Variants in TJP2 observed in about 807,000 individuals in gnomAD.
TJP2 encodes the protein Friedreich ataxia region gene X104 (tight junction protein ZO-2).
In TJP2, 91 loss-of-function variants were observed where a neutral mutation model predicts 133.1. The observed-to-expected ratio is 0.68, with a 90% confidence interval of 0.58 to 0.81. TJP2 has a LOEUF of 0.81. TJP2 is among the 40% of genes least tolerant of loss of function. The probability of loss-of-function intolerance (pLI) is 0.00; values close to 1 mark genes in which losing one functional copy is unlikely to be tolerated. For missense variants in TJP2, 1,541 were observed against 1,565.6 expected, an observed-to-expected ratio of 0.98 and a Z score of 0.26; for synonymous variants, 592 against 583.4, an observed-to-expected ratio of 1.01 and a Z score of -0.21.
At chr9:69,184,272 G>A (rs998166043) in intron 1 of TJP2, among the ~76,000 whole-genome samples, 17 of 152,110 alleles carry the variant, frequency 1.1e-4, no homozygotes, top group African/African-American at 3.4e-4. Context: ...GGCGAGATGC[G>A]CAAAAAATGG....
intron 1 of TJP2, among the ~76,000 whole-genome samples, chr9:69,128,523 C>CTTTTTTTTTTTT (rs1564365342): frequency 2.0e-5 from 2 of 101,232 alleles, no homozygotes; most frequent in African/African-American, 3.8e-5. Context: ...CTTATTAGAC[C>CTTTTTTTTTTTT]ATTTTTTTTT....
intron 1 of TJP2, among the ~76,000 whole-genome samples, chr9:69,149,079 C>T (rs1587909959): frequency 6.6e-6 from 1 of 152,142 alleles, no homozygotes; most frequent in East Asian, 1.9e-4. Context: ...TATTTTATTT[C>T]TTTCTGCCAA....
chr9:69,238,939 AC>A, intron 16 of TJP2, 150 bp downstream of exon 16: 1 of 727,676 alleles, frequency 1.4e-6, no homozygotes, highest in Non-Finnish European at 2.4e-6. Context: ...TGTAATCCCA[AC>A]ACTTTGAGAG....
chr9:69,218,198 A>G, intron 3 of TJP2, 59 bp from the exon 4 acceptor site: 1 of 1,359,966 alleles, frequency 7.4e-7, no homozygotes, highest in Non-Finnish European at 1.1e-6. Flanking sequence ...TCCTAAATAA[A>G]TAATTTACAA....
chr9:69,136,523 A>C (rs1463420364), intron 1 of TJP2, among the ~76,000 whole-genome samples: 2 of 152,232 alleles, frequency 1.3e-5, no homozygotes, highest in Non-Finnish European at 2.9e-5. Flanking sequence ...AGAACCATTT[A>C]TGTAAAAAAG....
intron 1 of TJP2, chr9:69,204,928 A>T: frequency 4.8e-6 from 6 of 1,254,260 alleles, no homozygotes; most frequent in Non-Finnish European, 6.0e-6. Flanking sequence ...GGAGAGAAAG[A>T]AAGCTGTTGA....
At chr9:69,204,943 G>T (rs1008181247) in intron 1 of TJP2, 15 of 1,291,444 alleles carry the variant, frequency 1.2e-5, no homozygotes, top group Non-Finnish European at 1.4e-5. Flanking sequence ...TGTTGAAGTG[G>T]TGCAAATCCA....
In TJP2 at chr9:69,236,189, G is replaced by A; in HGVS notation, c.1942G>A (p.Val648Met). 1 of 1,614,162 alleles carries A rather than the reference G, an allele frequency of 6.2e-7. No homozygotes were observed. The highest frequency in any genetic ancestry group is 1.1e-5 in the South Asian group (1 of 91,078). Reference protein sequence around the residue: ...YDGKLGNWLAVRIGNELEKGL... With the variant: ...YDGKLGNWLAMRIGNELEKGL... ...CGGCAAGCTGGGCAACTGGCTGGCTGTGAGGATTGGGAACGAGTTGGAGAA... is the reference window on the plus strand; with the variant it reads ...CGGCAAGCTGGGCAACTGGCTGGCTATGAGGATTGGGAACGAGTTGGAGAA... Residue 648 changes from valine (V) to methionine (M), a missense_variant, in exon 13 of 23, where the codon GTG (valine) becomes ATG (methionine). Physicochemically the swap from Val to Met is conservative, Grantham distance 21. Coordinates refer to ENST00000377245, the MANE Select transcript of TJP2 (RefSeq NM_004817.4).
chr9:69,212,880 G>A (rs1181498057), intron 2 of TJP2, among the ~76,000 whole-genome samples: 2 of 66,196 alleles, frequency 3.0e-5, no homozygotes, highest in Non-Finnish European at 7.8e-5. Context: ...GAAAAGAAAG[G>A]GAAGAATGAA....
At chr9:69,163,819 C>T (rs569625267) in intron 2 of TJP2, among the ~76,000 whole-genome samples, 1 of 152,250 alleles carries the variant, frequency 6.6e-6, no homozygotes, top group African/African-American at 2.4e-5. Context: ...TTTTACCTGA[C>T]TTCAAAATTG....
intron 1 of TJP2, among the ~76,000 whole-genome samples, chr9:69,205,906 T>C (rs934085958): frequency 2.6e-5 from 4 of 152,202 alleles, no homozygotes; most frequent in Admixed American, 1.3e-4. Context: ...TTTAACATGT[T>C]TCTACATTCT....
intron 1 of TJP2, among the ~76,000 whole-genome samples, chr9:69,186,409 T>C (rs1825865523): frequency 6.6e-6 from 1 of 152,240 alleles, no homozygotes; most frequent in Admixed American, 6.5e-5. Flanking sequence ...AACCAGTGAC[T>C]ATTTCAGCCA....
rs1224137880 is a variant in TJP2 at position 69,126,972 on chromosome 9, C to T, written c.-131+5247C>T. 9.1e-5 allele frequency among the ~76,000 whole-genome samples: 7 copies of T among 76,782 alleles called. 3 individuals are homozygous for T. The highest frequency in any genetic ancestry group is 2.8e-4 in the African/African-American group (7 of 25,232). The allele number at this position is 76,782 out of a possible 152,430, so 50.4% of individuals were successfully genotyped here. A position where few individuals can be genotyped will look rare whatever the true frequency, so the allele number is the denominator to read the frequency against. ...CAAGGCTAGATGTGGTAGCTCATGC[C>T]TGTAATCCCAGCAGTTTGGAAGGCT... On this transcript the variant is annotated intron_variant, in intron 1 of 5. Transcript: ENST00000423935.
intron 17 of TJP2, among the ~76,000 whole-genome samples, chr9:69,240,449 A>ATGTCTCTCTAGAGATTGTGTCAT (rs1296411766): frequency 6.6e-6 from 1 of 152,208 alleles, no homozygotes; most frequent in Admixed American, 6.5e-5. Flanking sequence ...CCAAACACCT[A>ATGTCTCTCTAGAGATTGTGTCAT]TGTCTCTCTA....
At chr9:69,165,764 G>C (rs1194567573) in intron 2 of TJP2, among the ~76,000 whole-genome samples, 14 of 152,178 alleles carry the variant, frequency 9.2e-5, no homozygotes, top group Admixed American at 5.9e-4. Flanking sequence ...TGCCTCTGAG[G>C]ACCCAGGGTG....
chr9:69,221,942 G>A (rs916293826), intron 5 of TJP2, among the ~76,000 whole-genome samples: 1 of 150,964 alleles, frequency 6.6e-6, no homozygotes, highest in Non-Finnish European at 1.5e-5. Flanking sequence ...CGTAATCTGG[G>A]CTCACTGCAA....
chr9:69,203,893 G>A (rs189879221), intron 1 of TJP2, among the ~76,000 whole-genome samples: 1 of 152,246 alleles, frequency 6.6e-6, no homozygotes, highest in Non-Finnish European at 1.5e-5. Flanking sequence ...GATTACAGGC[G>A]TGAGTGACTG....
At chr9:69,193,225 A>T (rs1234590860) in intron 1 of TJP2, among the ~76,000 whole-genome samples, 4 of 151,932 alleles carry the variant, frequency 2.6e-5, no homozygotes, top group African/African-American at 9.7e-5. Context: ...TTTTATTGTA[A>T]TTTTTAAAGT....
At chr9:69,250,916 A>C in intron 20 of TJP2, 119 bp from the exon 21 acceptor site, 1 of 1,066,170 alleles carries the variant, frequency 9.4e-7, no homozygotes, top group Non-Finnish European at 1.4e-6. Context: ...CCTTGTCAGA[A>C]TGGTATTTGT....
Sources: allele counts gnomAD v4.1 joint callset (sites outside exome capture counted in the v4.1 genomes callset), GRCh38; gene constraint gnomAD v4.1.1; transcripts MANE v1.5; gene names NCBI Gene and HGNC (gene_info 2026-07-23, HGNC 2026-07-21).